Variants in CA10 observed in about 807,000 individuals in gnomAD.
CA10 encodes carbonic anhydrase 10 (inactive).
In CA10, 14 loss-of-function variants were observed where a neutral mutation model predicts 44.2. That is an observed-to-expected ratio of 0.32 (90% CI 0.21 to 0.50). CA10 has a LOEUF of 0.50. Among genes scored for constraint, CA10 ranks in the 20% least tolerant of loss-of-function variants. The pLI is 0.99. For missense variants in CA10, 350 were observed against 409.7 expected (o/e 0.85, Z 1.26); for synonymous variants, 159 against 141.6 (o/e 1.12, Z -0.87).
At chr17:51,874,955 TTTTTCTTTTTTTTCTTTTC>T (rs754881028) in intron 3 of CA10, among the ~76,000 whole-genome samples, 16,506 of 82,722 alleles carry the variant, frequency 0.2, 1,456 homozygotes, top group African/African-American at 0.3. Flanking sequence ...CTTCTGTTTT[TTTTTCTTTTTTTTCTTTTC>T]TTTTCTTTTC....
chr17:51,945,634 G>T (rs769829616), intron 2 of CA10, among the ~76,000 whole-genome samples: 3 of 152,206 alleles, frequency 2.0e-5, no homozygotes, highest in African/African-American at 7.2e-5. Context: ...TCTTGGGACT[G>T]TCATCAAAGT....
chr17:52,149,605 A>C (rs376884572), intron 1 of CA10, among the ~76,000 whole-genome samples: 2 of 152,248 alleles, frequency 1.3e-5, no homozygotes, highest in South Asian at 4.1e-4. Flanking sequence ...ACTGCAAAAA[A>C]GTTACAGAAA....
intron 3 of CA10, among the ~76,000 whole-genome samples, chr17:51,815,764 T>C (rs1907541748): frequency 6.6e-6 from 1 of 151,808 alleles, no homozygotes; most frequent in Non-Finnish European, 1.5e-5. Flanking sequence ...AATTTATTTT[T>C]AAGTTTTGCA....
At chr17:51,935,209 C>T (rs1982818375) in intron 2 of CA10, among the ~76,000 whole-genome samples, 1 of 152,152 alleles carries the variant, frequency 6.6e-6, no homozygotes, top group Non-Finnish European at 1.5e-5. Flanking sequence ...GTGGCAGGCA[C>T]TGCCTCTATT....
chr17:51,955,722 C>A (rs1302061824), intron 2 of CA10, among the ~76,000 whole-genome samples: 1 of 152,048 alleles, frequency 6.6e-6, no homozygotes, highest in African/African-American at 2.4e-5. Context: ...CATTTGTAAA[C>A]CAATAACAGA....
intron 4 of CA10, among the ~76,000 whole-genome samples, chr17:51,694,831 T>G (rs375129167): frequency 6.6e-6 from 1 of 152,210 alleles, no homozygotes; most frequent in East Asian, 1.9e-4. Context: ...AGTTGACTTT[T>G]GTATAGGTGA....
intron 3 of CA10, among the ~76,000 whole-genome samples, chr17:51,783,601 G>C (rs1436292358): frequency 6.6e-6 from 1 of 151,666 alleles, no homozygotes; most frequent in Non-Finnish European, 1.5e-5. Context: ...TAAGAAAGAA[G>C]AAGGAAAAAA....
intron 4 of CA10, among the ~76,000 whole-genome samples, chr17:51,730,364 G>T (rs1016102834): frequency 3.9e-5 from 6 of 152,144 alleles, no homozygotes; most frequent in Non-Finnish European, 7.3e-5. Flanking sequence ...CAGAGACACT[G>T]GTCAGACTGT....
intron 1 of CA10, among the ~76,000 whole-genome samples, chr17:52,073,510 G>A (rs1190792964): frequency 6.6e-6 from 1 of 152,180 alleles, no homozygotes; most frequent in Non-Finnish European, 1.5e-5. Context: ...TAGGATGAGT[G>A]AAACTGAAGC....
intron 4 of CA10, among the ~76,000 whole-genome samples, chr17:51,713,538 A>G (rs1265313904): frequency 1.3e-5 from 2 of 152,258 alleles, no homozygotes; most frequent in African/African-American, 4.8e-5. Context: ...TTGTCACTTA[A>G]GCCTAGGACC....
chr17:51,818,787 C>T (rs1392318269), intron 3 of CA10, among the ~76,000 whole-genome samples: 1 of 152,154 alleles, frequency 6.6e-6, no homozygotes. Context: ...CTTTTATTTC[C>T]CTCCTGCAGA....
intron 1 of CA10, among the ~76,000 whole-genome samples, chr17:52,099,386 T>C (rs1988483435): frequency 6.6e-6 from 1 of 152,170 alleles, no homozygotes; most frequent in Non-Finnish European, 1.5e-5. Flanking sequence ...TATGTAGCCT[T>C]AGTGATCATT....
Position 51,655,556 on chromosome 17 carries a change from G to A in CA10, c.466-1820C>T, listed in dbSNP as rs9913381. 7.4e-3 allele frequency among the ~76,000 whole-genome samples: 1,134 copies of A among 152,334 alleles called. 10 individuals carry two copies. Among genetic ancestry groups the A allele is most frequent in the African/African-American group, 0.025 (1,051 of 41,580 alleles). Reference sequence around the variant, plus strand: ...GTTTGCTACCTTCACTGTGCATCCAGATCACCTGGGTGCTTTTAAAGCCCA... The same window carrying A: ...GTTTGCTACCTTCACTGTGCATCCAAATCACCTGGGTGCTTTTAAAGCCCA... On this transcript the variant is annotated intron_variant, in intron 4 of 8. Transcript: ENST00000451037.
chr17:51,920,533 T>A (rs1019019161), intron 3 of CA10, among the ~76,000 whole-genome samples: 1 of 152,042 alleles, frequency 6.6e-6, no homozygotes, highest in Non-Finnish European at 1.5e-5. Context: ...GAGTAAAGAA[T>A]GAGAGAGAAT....
At position 51,980,824 on chromosome 17, in the gene CA10, T is replaced by C. The variant is rs150232791; in HGVS notation, c.137-49692A>G. Among the ~76,000 whole-genome samples the C allele has an allele frequency of 1.2e-3, 182 of 152,200 alleles. 4 individuals are homozygous for C. The South Asian group carries it at 0.022, about 18-fold the overall frequency. ...GTCAGCTTTGTTGAAGATCAGATAG[T>C]TGTAGGTGTGCAGCATCATTTCTCG... is the stretch of plus-strand genomic sequence containing the variant. On this transcript the variant is annotated intron_variant, in intron 2 of 8. Transcript: ENST00000451037.
intron 3 of CA10, among the ~76,000 whole-genome samples, 183 bp from the exon 4 acceptor site, chr17:51,748,001 G>C (rs568305012): frequency 6.6e-6 from 1 of 152,284 alleles, no homozygotes; most frequent in African/African-American, 2.4e-5. Flanking sequence ...GGTAATTTCT[G>C]TGAGGCATAA....
chr17:51,718,689 G>GT (rs766855671), intron 4 of CA10, among the ~76,000 whole-genome samples: 1 of 152,186 alleles, frequency 6.6e-6, no homozygotes, highest in Non-Finnish European at 1.5e-5. Flanking sequence ...GGCCTCTGAA[G>GT]TGGGGGGAAA....
At position 52,145,097 on chromosome 17, in the gene CA10, C is replaced by T. The variant is rs374613771; in HGVS notation, c.61+12629G>A. Among the ~76,000 whole-genome samples, 24 of 152,266 alleles carry T rather than the reference C, an allele frequency of 1.6e-4. No homozygotes were observed. In the South Asian group the frequency reaches 1.7e-3, roughly 11 times the overall value. ...TGACGACCCCTAGACTCTTTCCCAG[C>T]GTTGCACTAGAGGGTGACAAGGTAA... On this transcript the variant is annotated intron_variant, in intron 1 of 8. Coordinates refer to ENST00000451037, the MANE Select transcript of CA10 (RefSeq NM_020178.5).
chr17:52,033,138 G>A (rs1986517981), intron 2 of CA10, among the ~76,000 whole-genome samples: 1 of 152,206 alleles, frequency 6.6e-6, no homozygotes, highest in South Asian at 2.1e-4. Context: ...ATGTTGTTAA[G>A]TGGAGAATCA....
Sources: allele counts gnomAD v4.1 joint callset (sites outside exome capture counted in the v4.1 genomes callset), GRCh38; gene constraint gnomAD v4.1.1; transcripts MANE v1.5; gene names NCBI Gene and HGNC (gene_info 2026-07-23, HGNC 2026-07-21).